LRP8: variants seen among roughly 807,000 people sequenced by gnomAD.
LRP8 encodes LDL receptor related protein 8, also known as low-density lipoprotein receptor-related protein 8.
In LRP8, 46 loss-of-function variants were observed where a neutral mutation model predicts 111.6. The observed-to-expected ratio is 0.41, with a 90% CI of 0.33 to 0.53. The LOEUF is 0.53. Among genes scored for constraint, LRP8 ranks in the 20% least tolerant of loss-of-function variants. LRP8 has a pLI of 0.20. For missense variants in LRP8, 959 were observed against 1,297.4 expected, an observed-to-expected ratio of 0.74 and a Z score of 4.01; for synonymous variants, 464 against 511.2, an observed-to-expected ratio of 0.91 and a Z score of 1.24.
chr1:53,251,453 A>C lies in LRP8; in HGVS notation c.2504-591T>G, dbSNP rs115793334. Among the ~76,000 whole-genome samples the C allele has an allele frequency of 2.2e-3, 327 of 152,038 alleles. 2 individuals are homozygous for C. Among genetic ancestry groups the C allele is most frequent in the African/African-American group, 7.5e-3 (310 of 41,454 alleles). ...TAGAAGGAGACACAGAGGGCAACAC[A>C]AGCTCTGATTTAGAATAAATGACTA... On this transcript the variant is annotated intron_variant, in intron 16 of 18. Coordinates refer to ENST00000306052, the MANE Select transcript of LRP8 (RefSeq NM_004631.5).
chr1:53,280,261 C>A (rs559745555), intron 4 of LRP8, among the ~76,000 whole-genome samples: 1 of 152,310 alleles, frequency 6.6e-6, no homozygotes, highest in African/African-American at 2.4e-5. Flanking sequence ...GACATGGTAA[C>A]AAAAGCTCAT....
Position 53,260,513 on chromosome 1 carries a change from G to A in LRP8, c.2007C>T (p.Leu669=). ...GLEISILAEN[L]NNPHDIVIFH... ...AGATGACAATGTCATGTGGGTTGTT[G>A]AGGTTCTCAGCCAGGATGGAGATTT... The change falls in exon 13 of 19, where the codon CTC becomes CTT. Residue 669 remains leucine, a synonymous_variant. Coordinates refer to ENST00000306052, the MANE Select transcript of LRP8 (RefSeq NM_004631.5). 1 of 1,614,166 alleles carries A rather than the reference G, an allele frequency of 6.2e-7. No homozygotes were observed. The highest frequency in any genetic ancestry group is 8.5e-7 in the Non-Finnish European group (1 of 1,180,018).
In LRP8 at chr1:53,250,283, G is replaced by C. The variant is rs961779081; in HGVS notation, c.2676+407C>G. On this transcript the variant is annotated intron_variant, in intron 17 of 18. Coordinates refer to ENST00000306052, the MANE Select transcript of LRP8 (RefSeq NM_004631.5). This position sits in a 1 kb window ranked among gnomAD's most constrained non-coding sequence, Gnocchi z 4.6. Reference sequence around the variant, plus strand: ...TAAATGGCCACAGTTACCCTTCCAGGCTAAAGGTTCTGAAAATTTACTGAG... The same window carrying C: ...TAAATGGCCACAGTTACCCTTCCAGCCTAAAGGTTCTGAAAATTTACTGAG... 6.6e-6 allele frequency among the ~76,000 whole-genome samples: 1 copy of C among 152,160 alleles called. No homozygotes were observed. Among genetic ancestry groups the C allele is most frequent in the Non-Finnish European group, 1.5e-5 (1 of 68,028 alleles).
At chr1:53,265,628 G>C (rs1001785326) in intron 9 of LRP8, among the ~76,000 whole-genome samples, 30 of 152,228 alleles carry the variant, frequency 2.0e-4, no homozygotes, top group Non-Finnish European at 4.3e-4. Flanking sequence ...TATGTTTTTG[G>C]GTGTGTGTGA....
chr1:53,326,224 G>A (rs1424851936), intron 2 of LRP8, among the ~76,000 whole-genome samples: 6 of 152,232 alleles, frequency 3.9e-5, no homozygotes, highest in African/African-American at 1.4e-4. Context: ...GAAAAGCGGC[G>A]CCCGAGCCCC....
rs1645870755 is a variant in LRP8, at chr1:53,250,743, C to T, written c.2623G>A (p.Glu875Lys). The T allele has an allele frequency of 5.6e-6, 9 of 1,614,000 alleles. No individual in the cohort carries two copies. The highest frequency in any genetic ancestry group is 5.5e-5 in the South Asian group (5 of 91,072). ...GTTCTCCCTATATGGAGCTCATCTT[C>T]GTCTTCTTCTTCTGTTGTTTTCCTG... ...VYRKTTEEED[E>K]DELHIGRTAQ... The change falls in exon 17 of 19, where the codon GAA becomes AAA. Residue 875 changes from glutamate to lysine, a missense_variant. By Grantham distance (56) the Glu-to-Lys change is moderately conservative. Transcript: ENST00000306052. This position sits in a 1 kb window ranked among gnomAD's most constrained non-coding sequence, Gnocchi z 4.6.
chr1:53,312,192 G>A (rs1376041923), intron 2 of LRP8, among the ~76,000 whole-genome samples: 1 of 152,188 alleles, frequency 6.6e-6, no homozygotes, highest in African/African-American at 2.4e-5. Context: ...AACAGGCCAG[G>A]GAGGGAGGTC....
chr1:53,252,682 A>G (rs1215420100), intron 16 of LRP8, among the ~76,000 whole-genome samples: 1 of 152,256 alleles, frequency 6.6e-6, no homozygotes, highest in Non-Finnish European at 1.5e-5. Flanking sequence ...GGGACGTAAA[A>G]GAAGACTGAA....
In LRP8 at chr1:53,294,991, G is replaced by C. The variant is rs1471778178; in HGVS notation, c.245-5302C>G. Among the ~76,000 whole-genome samples, 1 of 152,228 alleles carries C rather than the reference G, an allele frequency of 6.6e-6. No homozygotes were observed. Among genetic ancestry groups the C allele is most frequent in the Non-Finnish European group, 1.5e-5 (1 of 68,030 alleles). ...ATGTCCTGCCGTGTTGGACTCCAGGGTCTTGAGGCCCCCTACGTGGGTCTC... is the reference window on the plus strand; with the variant it reads ...ATGTCCTGCCGTGTTGGACTCCAGGCTCTTGAGGCCCCCTACGTGGGTCTC... On this transcript the variant is annotated intron_variant, in intron 2 of 18. Transcript: ENST00000306052. This position sits in a 1 kb window ranked among gnomAD's most constrained non-coding sequence, Gnocchi z 4.1.
Position 53,270,949 on chromosome 1 carries a change from G to A in LRP8, c.1252+79C>T, listed in dbSNP as rs899907493. The A allele has an allele frequency of 6.2e-6, 10 of 1,600,152 alleles. 1 individual carries two copies. The highest frequency in any genetic ancestry group is 3.8e-4 in the Middle Eastern group (2 of 5,234). On this transcript the variant is annotated intron_variant, in intron 8 of 18. Transcript: ENST00000306052. ...TTCTTGTGTGTGCGCACATGTACAC[G>A]CCCACTCCTCACAAGTGGAAGCACG...
At chr1:53,283,216 G>A (rs80272221) in intron 3 of LRP8, among the ~76,000 whole-genome samples, 2,075 of 152,158 alleles carry the variant, frequency 0.014, 27 homozygotes, top group South Asian at 0.06. Flanking sequence ...CTTCCACCAC[G>A]TGAGGATGAA....
intron 2 of LRP8, among the ~76,000 whole-genome samples, chr1:53,301,730 T>TTA (rs1553190766): frequency 6.9e-6 from 1 of 144,480 alleles, no homozygotes; most frequent in Non-Finnish European, 1.5e-5. Context: ...AACCCTGTCT[T>TTA]AAAAAAAAAA....
chr1:53,271,346 C>T lies in LRP8; in HGVS notation c.1007G>A (p.Gly336Glu). The change falls in exon 7 of 19, where the codon GGG (glycine) becomes GAG (glutamate). Residue 336 changes from glycine (G) to glutamate (E), a missense_variant and splice_region_variant. Physicochemically the swap from Gly to Glu is moderately conservative, Grantham distance 98. Transcript: ENST00000306052. Reference sequence around the variant, plus strand: ...ATTGTTGTGCAGACACTCGTTCAGCCCTGGGGAGGGACATGGGCTCCTGAA... The same window carrying T: ...ATTGTTGTGCAGACACTCGTTCAGCTCTGGGGAGGGACATGGGCTCCTGAA... The part of the protein sequence containing the change: ...DGSDEAGCLQ[G>E]LNECLHNNGG... 6.2e-7 allele frequency: 1 copy of T among 1,613,874 alleles called. No homozygotes were observed. Among genetic ancestry groups the T allele is most frequent in the Non-Finnish European group, 8.5e-7 (1 of 1,179,946 alleles).
At chr1:53,260,120 T>C (rs760764899) in intron 13 of LRP8, among the ~76,000 whole-genome samples, 1 of 152,218 alleles carries the variant, frequency 6.6e-6, no homozygotes, top group Non-Finnish European at 1.5e-5. Context: ...TGGAACCAGA[T>C]AGACCTGGGT....
At chr1:53,324,510 A>T (rs1654897156) in intron 2 of LRP8, among the ~76,000 whole-genome samples, 1 of 152,184 alleles carries the variant, frequency 6.6e-6, no homozygotes, top group South Asian at 2.1e-4. Flanking sequence ...TTGGCAGATG[A>T]GGAAACAAGC....
intron 18 of LRP8, among the ~76,000 whole-genome samples, chr1:53,247,956 T>G (rs983583034): frequency 5.3e-5 from 8 of 152,248 alleles, no homozygotes; most frequent in African/African-American, 1.9e-4. Context: ...CCAGCTTCAG[T>G]ACTTTTCCTC....
At chr1:53,309,781 C>T (rs986646580) in intron 2 of LRP8, among the ~76,000 whole-genome samples, 21 of 152,184 alleles carry the variant, frequency 1.4e-4, no homozygotes, top group Non-Finnish European at 5.9e-5. Flanking sequence ...ATTCCACCTC[C>T]GACTCCTCTC....
In LRP8 at chr1:53,262,548, C is replaced by CCAAGAACCTAAA; in HGVS notation, c.1671_1672insTTTAGGTTCTTG (p.Ser557_Asp558insPheArgPheLeu). ...TCAATCTTGGCCTGGTCCCCCCAGTCAGACCAATACATGAACCTAAAAGAC... is the reference window on the plus strand; with the variant it reads ...TCAATCTTGGCCTGGTCCCCCCAGTCCAAGAACCTAAAAGACCAATACATGAACCTAAAAGAC... On this transcript the variant is annotated inframe_insertion, in exon 11 of 19. Coordinates refer to ENST00000306052, the MANE Select transcript of LRP8 (RefSeq NM_004631.5). This position sits in a 1 kb window ranked among gnomAD's most constrained non-coding sequence, Gnocchi z 4.8. The CCAAGAACCTAAA allele has an allele frequency of 6.2e-7, 1 of 1,614,160 alleles. No homozygotes were observed. Among genetic ancestry groups the CCAAGAACCTAAA allele is most frequent in the Non-Finnish European group, 8.5e-7 (1 of 1,179,990 alleles).
chr1:53,277,052 C>T lies in LRP8; in HGVS notation c.523G>A (p.Gly175Ser), dbSNP rs1463668075. ...TLCAPHEFQC[G>S]NRSCLAAVFV... ...ACGGCGGCCAGGCACGAGCGGTTGC[C>T]GCACTGGAACTCGTGCGGGGCGCAC... is the stretch of plus-strand genomic sequence containing the variant. Residue 175 changes from glycine (G) to serine (S), a missense_variant, in exon 5 of 19, where the codon GGC becomes AGC. By Grantham distance (56) the Gly-to-Ser change is moderately conservative. Coordinates refer to ENST00000306052, the MANE Select transcript of LRP8 (RefSeq NM_004631.5). The T allele has an allele frequency of 1.3e-6, 2 of 1,523,312 alleles. No individual in the cohort carries two copies. Among genetic ancestry groups the T allele is most frequent in the African/African-American group, 2.8e-5 (2 of 71,194 alleles). The allele number at this position is 1,523,312 out of a possible 1,614,324, so 94.4% of individuals were successfully genotyped here.
Sources: gnomAD v4.1 joint callset for allele counts (sites outside exome capture counted in the v4.1 genomes callset) on GRCh38, gnomAD v4.1.1 for gene constraint, Gnocchi (gnomAD v3.1) non-coding constraint, MANE v1.5 for transcripts, NCBI Gene and HGNC (gene_info 2026-07-23, HGNC 2026-07-21) for gene names.